SLC30A8: variants seen among roughly 807,000 people sequenced by gnomAD.
SLC30A8 encodes proton-coupled zinc antiporter SLC30A8.
A neutral mutation model predicts 36.9 loss-of-function variants in SLC30A8; 27 were observed. That is an observed-to-expected ratio of 0.73 (90% CI 0.54 to 1.01). The LOEUF (loss-of-function observed/expected upper bound fraction) is 1.01, where lower values mean the gene tolerates loss of function less well. Among genes scored for constraint, SLC30A8 ranks in the 50% least tolerant of loss-of-function variants. The pLI is 0.00. For synonymous variants in SLC30A8, 164 were observed against 172.4 expected (o/e 0.95, Z 0.38); for missense variants, 439 against 452.0 (o/e 0.97, Z 0.26).
chr8:117,045,849 C>T (rs952083674), intron 2 of SLC30A8, among the ~76,000 whole-genome samples: 11 of 152,024 alleles, frequency 7.2e-5, no homozygotes, highest in Non-Finnish European at 7.4e-5. Context: ...GATGGCCCCG[C>T]GGATCTCTGG....
chr8:117,013,955 C>G (rs376502348), intron 1 of SLC30A8, among the ~76,000 whole-genome samples: 6 of 152,024 alleles, frequency 3.9e-5, no homozygotes, highest in South Asian at 4.2e-4. Context: ...AATCCTTCAC[C>G]CTTAATACAG....
Position 117,088,517 on chromosome 8 carries a change from GACAGTGA to G in SLC30A8, c.-225-46761_-225-46755del, listed in dbSNP as rs574079337. On this transcript the variant is annotated intron_variant, in intron 2 of 10. Coordinates refer to the SLC30A8 transcript ENST00000427715. Reference sequence around the variant, plus strand: ...ATTCCATCACTGCCTCTCAAGTTCCGACAGTGAAAAACGTGCACATCTCCCTCATCTC... The same window carrying G: ...ATTCCATCACTGCCTCTCAAGTTCCGAAAACGTGCACATCTCCCTCATCTC... 3.8e-4 allele frequency among the ~76,000 whole-genome samples: 58 copies of G among 152,166 alleles called. No individual in the cohort carries two copies. In the South Asian group the frequency reaches 0.012, roughly 32 times the overall value.
chr8:117,002,908 A>G (rs950457510), intron 1 of SLC30A8, among the ~76,000 whole-genome samples: 1 of 152,000 alleles, frequency 6.6e-6, no homozygotes, highest in African/African-American at 2.4e-5. Flanking sequence ...TGGCCAAAAG[A>G]TGTTATTTTT....
chr8:117,143,302 T>G (rs544012437), intron 1 of SLC30A8, among the ~76,000 whole-genome samples: 117 of 152,232 alleles, frequency 7.7e-4, no homozygotes, highest in African/African-American at 2.7e-3. Flanking sequence ...CATCTCTTTT[T>G]CTCCGTCTTT....
At chr8:117,172,429 C>A in intron 7 of SLC30A8, 107 bp from the exon 8 acceptor site, 3 of 1,478,808 alleles carry the variant, frequency 2.0e-6, no homozygotes, top group Non-Finnish European at 2.8e-6. Flanking sequence ...TGCCCTGCCT[C>A]TGCCCCACCC....
At chr8:117,067,421 A>G (rs1368125747) in intron 2 of SLC30A8, among the ~76,000 whole-genome samples, 1 of 151,696 alleles carries the variant, frequency 6.6e-6, no homozygotes, top group African/African-American at 2.4e-5. Context: ...ATTTTGTTTC[A>G]ATCTCTGTGG....
intron 1 of SLC30A8, among the ~76,000 whole-genome samples, chr8:116,995,501 T>TA (rs1342460165): frequency 2.0e-5 from 3 of 151,990 alleles, no homozygotes; most frequent in Non-Finnish European, 2.9e-5. Context: ...CCTTCCTACT[T>TA]ACGGAATTTG....
intron 1 of SLC30A8, among the ~76,000 whole-genome samples, chr8:116,954,035 T>A (rs1047881721): frequency 6.6e-6 from 1 of 152,158 alleles, no homozygotes; most frequent in African/African-American, 2.4e-5. Flanking sequence ...TTAGTGAGGA[T>A]GCAGAGAGTA....
chr8:117,101,900 C>T lies in SLC30A8; in HGVS notation c.-225-33380C>T, dbSNP rs57500681. Among the ~76,000 whole-genome samples the T allele has an allele frequency of 2.0e-3, 305 of 152,170 alleles. 1 individual carries two copies. Among genetic ancestry groups the T allele is most frequent in the African/African-American group, 6.9e-3 (285 of 41,514 alleles). On this transcript the variant is annotated intron_variant, in intron 2 of 10. Transcript: ENST00000427715. ...CTATTGCGGGACCTCACCTTGTGAT[C>T]GTGTGAGTCAATATGCCTTAATAAA... is the stretch of plus-strand genomic sequence containing the variant.
intron 1 of SLC30A8, among the ~76,000 whole-genome samples, chr8:116,976,573 C>T (rs141443965): frequency 6.6e-6 from 1 of 152,256 alleles, no homozygotes; most frequent in Non-Finnish European, 1.5e-5. Context: ...CCTAGAAGGG[C>T]ATACTCTCCA....
At chr8:117,151,730 A>G (rs1822200176) in intron 2 of SLC30A8, among the ~76,000 whole-genome samples, 1 of 152,246 alleles carries the variant, frequency 6.6e-6, no homozygotes. Flanking sequence ...GCTTATCTGC[A>G]TGGAGTTATT....
At chr8:117,027,278 A>G (rs1248587562) in intron 1 of SLC30A8, among the ~76,000 whole-genome samples, 2 of 152,140 alleles carry the variant, frequency 1.3e-5, no homozygotes, top group Admixed American at 1.3e-4. Flanking sequence ...CTGTCACCCA[A>G]GCAAGTGCTC....
At chr8:117,041,936 T>G (rs1817400819) in intron 2 of SLC30A8, among the ~76,000 whole-genome samples, 1 of 152,206 alleles carries the variant, frequency 6.6e-6, no homozygotes, top group Non-Finnish European at 1.5e-5. Flanking sequence ...AAAACAGATT[T>G]CCCAATGAAT....
chr8:117,038,789 T>C (rs184519153), intron 1 of SLC30A8, among the ~76,000 whole-genome samples: 3 of 152,242 alleles, frequency 2.0e-5, no homozygotes, highest in African/African-American at 7.2e-5. Flanking sequence ...TTCTGTATTC[T>C]TCACAATTCC....
intron 2 of SLC30A8, among the ~76,000 whole-genome samples, chr8:117,082,637 G>A (rs760116607): frequency 6.6e-6 from 1 of 152,170 alleles, no homozygotes. Context: ...CATGTGATAG[G>A]ACCTACTAGA....
chr8:117,027,937 G>A (rs1004326515), intron 1 of SLC30A8, among the ~76,000 whole-genome samples: 42 of 152,080 alleles, frequency 2.8e-4, no homozygotes, highest in African/African-American at 9.2e-4. Flanking sequence ...GCTGCTTCAC[G>A]TATAAAATAT....
Position 117,060,472 on chromosome 8 carries a change from T to G in SLC30A8, c.-226+21214T>G, listed in dbSNP as rs570184800. On this transcript the variant is annotated intron_variant, in intron 2 of 10. Transcript: ENST00000427715. ...GTAAAAACCCCACTGCCAGACAAGA[T>G]AGCTCAGCAAAGGGAGGTGCATAGC... Among the ~76,000 whole-genome samples, 4 of 152,182 alleles carry G rather than the reference T, an allele frequency of 2.6e-5. No individual in the cohort carries two copies. In the South Asian group the frequency reaches 6.2e-4, roughly 24 times the overall value.
intron 2 of SLC30A8, among the ~76,000 whole-genome samples, chr8:117,149,979 T>C (rs1012939635): frequency 6.6e-6 from 1 of 152,144 alleles, no homozygotes; most frequent in Non-Finnish European, 1.5e-5. Context: ...GTGCACAGAA[T>C]GTGGGAGGAA....
chr8:117,111,697 G>A (rs1256767379), intron 2 of SLC30A8, among the ~76,000 whole-genome samples: 1 of 152,072 alleles, frequency 6.6e-6, no homozygotes, highest in Non-Finnish European at 1.5e-5. Context: ...ATATAGGTCT[G>A]AGGGGCTGGA....
Sources: gnomAD v4.1 joint callset for allele counts (sites outside exome capture counted in the v4.1 genomes callset) on GRCh38, gnomAD v4.1.1 for gene constraint, MANE v1.5 for transcripts, NCBI Gene and HGNC (gene_info 2026-07-23, HGNC 2026-07-21) for gene names.